The following ASCC3 variants were observed in gnomAD, a reference collection of about 807,000 sequenced individuals.
The protein encoded by ASCC3 is ASC-1 complex subunit P200.
ASCC3 carries 158 observed loss-of-function variants against 256.3 expected under a neutral mutation model. That is an observed-to-expected ratio of 0.62 (90% confidence interval 0.54 to 0.70). The LOEUF is 0.70. ASCC3 is among the 30% of genes least tolerant of loss of function. The pLI is 0.00. For synonymous variants in ASCC3, 948 were observed against 883.4 expected (o/e 1.07, Z -1.30); for missense variants, 2,259 against 2,626.0 (o/e 0.86, Z 3.05).
chr6:100,520,558 T>A (rs1774253988), intron 37 of ASCC3, among the ~76,000 whole-genome samples: 1 of 152,130 alleles, frequency 6.6e-6, no homozygotes, highest in Admixed American at 6.6e-5. Flanking sequence ...CAGATAGTTG[T>A]AGGTACAGTC....
rs762543915 is a variant in ASCC3 at position 100,652,724 on chromosome 6, C to G, written c.2988+1G>C. ...CAAACATATTTGCATTAGTATAATA[C>G]CTCAATGGTGTTGTATTTAATATAG... On this transcript the variant is annotated splice_donor_variant, in intron 18 of 41. Coordinates refer to ENST00000369162, the MANE Select transcript of ASCC3 (RefSeq NM_006828.4). LOFTEE classifies it high-confidence loss of function. 22 of 1,612,720 alleles carry G rather than the reference C, an allele frequency of 1.4e-5. No individual in the cohort carries two copies. The highest frequency in any genetic ancestry group is 1.7e-5 in the Non-Finnish European group (20 of 1,179,062).
chr6:100,650,951 C>A (rs1163484636), intron 19 of ASCC3, among the ~76,000 whole-genome samples: 1 of 151,708 alleles, frequency 6.6e-6, no homozygotes, highest in Non-Finnish European at 1.5e-5. Flanking sequence ...TTAAATTTGC[C>A]ATTGACATAT....
At chr6:100,610,675 GTAT>G (rs1773347717) in intron 30 of ASCC3, among the ~76,000 whole-genome samples, 1 of 151,916 alleles carries the variant, frequency 6.6e-6, no homozygotes. Flanking sequence ...TAGTATTCTT[GTAT>G]TATTTACTTT....
chr6:100,716,485 G>A (rs1779091588), intron 12 of ASCC3, among the ~76,000 whole-genome samples: 1 of 151,778 alleles, frequency 6.6e-6, no homozygotes, highest in African/African-American at 2.4e-5. Flanking sequence ...CAATGATTTG[G>A]ATTTTTTGTT....
chr6:100,765,555 T>C (rs777929356), intron 10 of ASCC3, among the ~76,000 whole-genome samples: 3 of 152,130 alleles, frequency 2.0e-5, no homozygotes, highest in Non-Finnish European at 2.9e-5. Context: ...AGCCCCCACT[T>C]CAAATTGTCC....
At chr6:100,860,559 G>A (rs1773174725) in intron 3 of ASCC3, among the ~76,000 whole-genome samples, 1 of 151,870 alleles carries the variant, frequency 6.6e-6, no homozygotes, top group Non-Finnish European at 1.5e-5. Flanking sequence ...TACTTCATTT[G>A]TTTATTGAAC....
At position 100,650,765 on chromosome 6, in the gene ASCC3, T is replaced by G. The variant is rs555567351; in HGVS notation, c.3076-51A>C. ...AATTTTGGGGCTGATTTATTTAAATTTTTCACATTGAAATTAAATACATTG... is the reference window on the plus strand; with the variant it reads ...AATTTTGGGGCTGATTTATTTAAATGTTTCACATTGAAATTAAATACATTG... On this transcript the variant is annotated intron_variant, in intron 19 of 41. Coordinates refer to ENST00000369162, the MANE Select transcript of ASCC3 (RefSeq NM_006828.4). The G allele has an allele frequency of 4.3e-5, 61 of 1,424,588 alleles. No homozygotes were observed. The South Asian group carries it at 6.4e-4, about 15-fold the overall frequency. 88.2% of individuals were successfully genotyped at this position (1,424,588 alleles called of 1,614,324 possible).
chr6:100,858,509 T>C (rs2114531611), intron 3 of ASCC3: 1 of 893,882 alleles, frequency 1.1e-6, no homozygotes. Flanking sequence ...TTTGCTGAGA[T>C]TTTTTATCAT....
At chr6:100,746,523 T>C (rs2115083110) in intron 10 of ASCC3, among the ~76,000 whole-genome samples, 1 of 152,306 alleles carries the variant, frequency 6.6e-6, no homozygotes, top group East Asian at 1.9e-4. Context: ...TTTCACTCAC[T>C]TAAGGTTGTA....
At chr6:100,818,091 G>A (rs182377513) in intron 4 of ASCC3, among the ~76,000 whole-genome samples, 56 of 152,070 alleles carry the variant, frequency 3.7e-4, no homozygotes, top group African/African-American at 1.3e-3. Context: ...AGGTTGGTTC[G>A]GCATTAGAAA....
At position 100,848,635 on chromosome 6, in the gene ASCC3, T is replaced by C; in HGVS notation, c.314A>G (p.Asp105Gly). 1 of 1,613,932 alleles carries C rather than the reference T, an allele frequency of 6.2e-7. No individual in the cohort carries two copies. The highest frequency in any genetic ancestry group is 2.2e-5 in the East Asian group (1 of 44,854). Reference sequence around the variant, plus strand: ...CTTTGTTTCCTTGTGACCAACAGAGTCCTTCAAGTGAAATGTCATGAAGAG... The same window carrying C: ...CTTTGTTTCCTTGTGACCAACAGAGCCCTTCAAGTGAAATGTCATGAAGAG... ...AFLFMTFHLK[D>G]SVGHKETKAI... is the part of the protein sequence containing the mutation. The change falls in exon 4 of 42, where the codon GAC becomes GGC. Residue 105 changes from aspartate to glycine, a missense_variant. Coordinates refer to ENST00000369162, the MANE Select transcript of ASCC3 (RefSeq NM_006828.4).
chr6:100,555,146 GTTAGAAAACATT>G (rs1355576655), intron 36 of ASCC3, among the ~76,000 whole-genome samples: 1 of 151,808 alleles, frequency 6.6e-6, no homozygotes, highest in Non-Finnish European at 1.5e-5. Flanking sequence ...ATAGCCCTAT[GTTAGAAAACATT>G]TATTGGAAAT....
At chr6:100,656,812 C>CA (rs1582644732) in intron 16 of ASCC3, among the ~76,000 whole-genome samples, 1 of 150,594 alleles carries the variant, frequency 6.6e-6, no homozygotes, top group Non-Finnish European at 1.5e-5. Context: ...AAAATTTACC[C>CA]ACGTTGTAAA....
At chr6:100,783,051 G>A (rs1275333707) in intron 8 of ASCC3, among the ~76,000 whole-genome samples, 2 of 151,608 alleles carry the variant, frequency 1.3e-5, no homozygotes, top group African/African-American at 4.8e-5. Flanking sequence ...TTAAGAAATG[G>A]AAAAACTAAA....
chr6:100,693,718 T>C (rs1777944927), intron 13 of ASCC3, among the ~76,000 whole-genome samples: 1 of 152,150 alleles, frequency 6.6e-6, no homozygotes, highest in Non-Finnish European at 1.5e-5. Context: ...ATGTGAAATA[T>C]GTCTACTAAG....
At chr6:100,725,163 T>C (rs1232990028) in intron 11 of ASCC3, among the ~76,000 whole-genome samples, 2 of 151,996 alleles carry the variant, frequency 1.3e-5, no homozygotes, top group Non-Finnish European at 2.9e-5. Context: ...ATCAAGAAAC[T>C]AGAGTTCTTG....
At chr6:100,513,199 A>C (rs1373218733) in intron 39 of ASCC3, among the ~76,000 whole-genome samples, 1 of 152,100 alleles carries the variant, frequency 6.6e-6, no homozygotes, top group African/African-American at 2.4e-5. Context: ...TTTTTCTTGT[A>C]TTTGTGTCTA....
chr6:100,514,174 A>G (rs1773908522), intron 39 of ASCC3, among the ~76,000 whole-genome samples: 2 of 152,236 alleles, frequency 1.3e-5, no homozygotes, highest in South Asian at 4.1e-4. Flanking sequence ...TCAATCTGAA[A>G]TCATGTCTTG....
At chr6:100,745,504 C>CA (rs10711038) in intron 10 of ASCC3, among the ~76,000 whole-genome samples, 2 of 144,240 alleles carry the variant, frequency 1.4e-5, no homozygotes, top group Admixed American at 7.0e-5. Context: ...AAAACCTAAC[C>CA]AAAAAAAAAA....
Sources: gnomAD v4.1 joint callset for allele counts (sites outside exome capture counted in the v4.1 genomes callset) on GRCh38, gnomAD v4.1.1 for gene constraint, MANE v1.5 for transcripts, NCBI Gene and HGNC (gene_info 2026-07-23, HGNC 2026-07-21) for gene names.